The following DNAI2 variants were observed in gnomAD, a reference collection of about 807,000 sequenced individuals.
The protein encoded by DNAI2 is dynein, axonemal, intermediate polypeptide 2.
A neutral mutation model predicts 74.7 loss-of-function variants in DNAI2; 63 were observed. That is an observed-to-expected ratio of 0.84 (90% CI 0.69 to 1.04). The LOEUF (loss-of-function observed/expected upper bound fraction) is 1.04. Ranked by LOEUF, DNAI2 falls within the 50% of genes least tolerant of loss-of-function variation. The pLI, the probability that DNAI2 is intolerant of heterozygous loss-of-function variation, is 0.00. For missense variants in DNAI2, 688 were observed against 803.2 expected, an observed-to-expected ratio of 0.86 and a Z score of 1.73; for synonymous variants, 289 against 314.9, an observed-to-expected ratio of 0.92 and a Z score of 0.87.
rs746342853 is a variant in DNAI2, at chr17:74,285,026, G to A, written c.184-14G>A. 8 of 1,614,056 alleles carry A rather than the reference G, an allele frequency of 5.0e-6. No homozygotes were observed. The highest frequency in any genetic ancestry group is 1.1e-5 in the South Asian group (1 of 91,086). On this transcript the variant is annotated splice_polypyrimidine_tract_variant and intron_variant, in intron 2 of 13. Coordinates refer to ENST00000311014, the MANE Select transcript of DNAI2 (RefSeq NM_023036.6). Reference sequence around the variant, plus strand: ...ACCAGGGTGACGTCTTCCCTCCTGCGGCTCTCTGTTTAGGCCAACTCAGAG... The same window carrying A: ...ACCAGGGTGACGTCTTCCCTCCTGCAGCTCTCTGTTTAGGCCAACTCAGAG...
intron 6 of DNAI2, among the ~76,000 whole-genome samples, chr17:74,296,087 C>T (rs1388159943): frequency 6.6e-6 from 1 of 152,136 alleles, no homozygotes; most frequent in African/African-American, 2.4e-5. Context: ...TGCTTGTGAC[C>T]TTCTAGACTC....
intron 4 of DNAI2, among the ~76,000 whole-genome samples, chr17:74,288,922 G>T (rs1214543153): frequency 6.6e-6 from 1 of 152,200 alleles, no homozygotes; most frequent in Non-Finnish European, 1.5e-5. Flanking sequence ...TTGGGTCTGG[G>T]TGATGCAGGA....
At chr17:74,312,485 G>A (rs945516040) in intron 12 of DNAI2, among the ~76,000 whole-genome samples, 2 of 152,162 alleles carry the variant, frequency 1.3e-5, no homozygotes, top group Non-Finnish European at 2.9e-5. Flanking sequence ...CCTCCCCCCA[G>A]AGAGGGCACA....
chr17:74,291,088 A>T lies in DNAI2; in HGVS notation c.679A>T (p.Lys227Ter). Reference sequence around the variant, plus strand: ...ACTCGTGACGTTGGAGTTCAACCCCAAAGATTCCCACGTACTCCTGGGTGG... The same window carrying T: ...ACTCGTGACGTTGGAGTTCAACCCCTAAGATTCCCACGTACTCCTGGGTGG... The part of the protein sequence containing the change: ...SPLVTLEFNP[K>*]DSHVLLGGCY... Residue 227 changes from lysine (K) to a stop codon, truncating the protein, a stop_gained, in exon 6 of 14, where the codon AAA becomes TAA. Coordinates refer to ENST00000311014, the MANE Select transcript of DNAI2 (RefSeq NM_023036.6). LOFTEE classifies it high-confidence loss of function. 6.2e-7 allele frequency: 1 copy of T among 1,614,174 alleles called. No individual in the cohort carries two copies. The highest frequency in any genetic ancestry group is 1.1e-5 in the South Asian group (1 of 91,086).
chr17:74,291,884 G>A (rs1567853513), intron 6 of DNAI2, among the ~76,000 whole-genome samples: 1 of 147,378 alleles, frequency 6.8e-6, no homozygotes, highest in Non-Finnish European at 1.5e-5. Context: ...TTTTTTTTGA[G>A]ATGGAGTCTC....
In DNAI2 at chr17:74,314,310, C is replaced by T; in HGVS notation, c.*55+39C>T. Reference sequence around the variant, plus strand: ...CTCACAAGTGGGAGGCTGAGCTCCGCCTTAAAGCAGCACTGGGTGGTGGGC... The same window carrying T: ...CTCACAAGTGGGAGGCTGAGCTCCGTCTTAAAGCAGCACTGGGTGGTGGGC... On this transcript the variant is annotated intron_variant, in intron 13 of 13. Transcript: ENST00000311014. The T allele has an allele frequency of 1.9e-6, 3 of 1,600,824 alleles. No homozygotes were observed. In the Admixed American group the frequency reaches 5.0e-5, roughly 27 times the overall value.
chr17:74,282,671 G>A (rs1317373734), intron 2 of DNAI2, among the ~76,000 whole-genome samples: 5 of 152,188 alleles, frequency 3.3e-5, no homozygotes, highest in African/African-American at 1.2e-4. Context: ...AAAGGGAAGT[G>A]TCCCACAGAA....
At position 74,281,843 on chromosome 17, in the gene DNAI2, A is replaced by G; in HGVS notation, c.26A>G (p.Lys9Arg). ...ATGGAGATTGTGTACGTGTACGTCA[A>G]GAAGCGCAGCGAGTTCGGGAAGCAG... MEIVYVYV[K>R]KRSEFGKQCN... Residue 9 changes from lysine (K) to arginine (R), a missense_variant, in exon 2 of 14, where the codon AAG becomes AGG. Coordinates refer to ENST00000311014, the MANE Select transcript of DNAI2 (RefSeq NM_023036.6). 1.9e-6 allele frequency: 3 copies of G among 1,614,086 alleles called. No individual in the cohort carries two copies. The highest frequency in any genetic ancestry group is 1.7e-6 in the Non-Finnish European group (2 of 1,180,036).
intron 13 of DNAI2, 98 bp downstream of exon 13, chr17:74,314,369 C>A: frequency 6.8e-7 from 1 of 1,475,558 alleles, no homozygotes; most frequent in Non-Finnish European, 9.4e-7. Flanking sequence ...CCAGCCCCTA[C>A]AAATCACTAG....
At chr17:74,289,024 G>A (rs750592127) in intron 4 of DNAI2, among the ~76,000 whole-genome samples, 3 of 152,324 alleles carry the variant, frequency 2.0e-5, no homozygotes, top group Non-Finnish European at 4.4e-5. Flanking sequence ...TAGGGGCCTG[G>A]GAAGTACCTA....
At chr17:74,296,439 A>G (rs1174404090) in intron 6 of DNAI2, among the ~76,000 whole-genome samples, 1 of 151,988 alleles carries the variant, frequency 6.6e-6, no homozygotes, top group Non-Finnish European at 1.5e-5. Flanking sequence ...TATGTTGACC[A>G]GGTTGGTTGT....
At chr17:74,302,339 G>A (rs1182589419) in intron 8 of DNAI2, among the ~76,000 whole-genome samples, 7 of 152,112 alleles carry the variant, frequency 4.6e-5, no homozygotes, top group African/African-American at 7.2e-5. Flanking sequence ...AGGCCAAGGC[G>A]GGCGGATCAC....
chr17:74,277,390 A>G (rs1306728322), intron 1 of DNAI2, among the ~76,000 whole-genome samples: 17 of 151,466 alleles, frequency 1.1e-4, no homozygotes, highest in Non-Finnish European at 2.5e-4. Context: ...ATCTCAAAAA[A>G]AAAAAAAAAA....
rs1215431050 is a variant in DNAI2, at chr17:74,285,347, C to A, written c.345+146C>A. ...GGGGACCAGCTGCTACCTCAAGGAGCCTTCTGTCTGGGAGCAGGCAGAGGT... is the reference window on the plus strand; with the variant it reads ...GGGGACCAGCTGCTACCTCAAGGAGACTTCTGTCTGGGAGCAGGCAGAGGT... On this transcript the variant is annotated intron_variant, in intron 3 of 13. Transcript: ENST00000311014. 17 of 1,080,218 alleles carry A rather than the reference C, an allele frequency of 1.6e-5. No individual in the cohort carries two copies. In the East Asian group the frequency reaches 4.2e-4, roughly 26 times the overall value. 66.9% of individuals were successfully genotyped at this position (1,080,218 alleles called of 1,614,324 possible).
chr17:74,294,934 T>G (rs964210932), intron 6 of DNAI2, among the ~76,000 whole-genome samples: 5 of 152,174 alleles, frequency 3.3e-5, no homozygotes, highest in Admixed American at 2.0e-4. Flanking sequence ...CTGTTTTTCT[T>G]TGTTCTCTTT....
In DNAI2 at chr17:74,276,850, G is replaced by A. The variant is rs1004979699; in HGVS notation, c.-12+2505G>A. On this transcript the variant is annotated intron_variant, in intron 1 of 13. Coordinates refer to ENST00000311014, the MANE Select transcript of DNAI2 (RefSeq NM_023036.6). ...TTGCAGCAATTTCTTTTAAAAGTCAGAGACAGGCAGCCCTAATTGCCTGAG... is the reference window on the plus strand; with the variant it reads ...TTGCAGCAATTTCTTTTAAAAGTCAAAGACAGGCAGCCCTAATTGCCTGAG... Among the ~76,000 whole-genome samples, 6 of 152,324 alleles carry A rather than the reference G, an allele frequency of 3.9e-5. No individual in the cohort carries two copies. The East Asian group carries it at 7.7e-4, about 20-fold the overall frequency.
At chr17:74,284,742 G>A (rs917147837) in intron 2 of DNAI2, among the ~76,000 whole-genome samples, 2 of 152,198 alleles carry the variant, frequency 1.3e-5, no homozygotes, top group African/African-American at 4.8e-5. Context: ...GATTCTCACA[G>A]AGCAGATGGA....
At chr17:74,299,675 C>G (rs1338010017) in intron 6 of DNAI2, 43 bp from the exon 7 acceptor site, 1 of 1,612,182 alleles carries the variant, frequency 6.2e-7, no homozygotes, top group African/African-American at 1.3e-5. Flanking sequence ...AGGAAGGAAG[C>G]CTGTGCCCCC....
rs1273664740 is a variant in DNAI2 at position 74,304,885 on chromosome 17, A to C, written c.988-334A>C. Among the ~76,000 whole-genome samples the C allele has an allele frequency of 2.0e-5, 3 of 152,158 alleles. No homozygotes were observed. In the South Asian group the frequency reaches 6.2e-4, roughly 32 times the overall value. On this transcript the variant is annotated intron_variant, in intron 8 of 13. Transcript: ENST00000311014. ...CCTGGGTCTTCTTTACTCTCTCTGT[A>C]AACAAACATTCAGGATCTTTATGGC...
Sources: allele counts gnomAD v4.1 joint callset (sites outside exome capture counted in the v4.1 genomes callset), GRCh38; gene constraint gnomAD v4.1.1; transcripts MANE v1.5; gene names NCBI Gene and HGNC (gene_info 2026-07-23, HGNC 2026-07-21).